PTPN23: variants seen among roughly 807,000 people sequenced by gnomAD.
The protein encoded by PTPN23 is protein tyrosine phosphatase non-receptor type 23.
Under a neutral mutation model 156.3 loss-of-function variants are expected in PTPN23, and 72 were observed. That is an observed-to-expected ratio of 0.46 (90% CI 0.38 to 0.56). The LOEUF (loss-of-function observed/expected upper bound fraction) is 0.56. Ranked by LOEUF, PTPN23 falls within the 20% of genes least tolerant of loss-of-function variation. The pLI is 0.00. For missense variants in PTPN23, 1,974 were observed against 2,171.5 expected, an observed-to-expected ratio of 0.91 and a Z score of 1.81; for synonymous variants, 957 against 899.6, an observed-to-expected ratio of 1.06 and a Z score of -1.14.
At position 47,404,997 on chromosome 3, in the gene PTPN23, G is replaced by C; in HGVS notation, c.288-8G>C. ...GCCCTCGAGATAACTGGGGTGCCAT[G>C]TCTGCAGGACAGAGATCTTCTCAGG... On this transcript the variant is annotated splice_polypyrimidine_tract_variant and splice_region_variant and intron_variant, in intron 3 of 24. Transcript: ENST00000265562. The C allele has an allele frequency of 6.2e-7, 1 of 1,614,190 alleles. No individual in the cohort carries two copies. The highest frequency in any genetic ancestry group is 8.5e-7 in the Non-Finnish European group (1 of 1,180,020).
intron 14 of PTPN23, 150 bp downstream of exon 14, chr3:47,408,105 AGT>A: frequency 9.6e-7 from 1 of 1,043,202 alleles, no homozygotes; most frequent in South Asian, 1.5e-5. Context: ...TGGTGGGGCT[AGT>A]GTGTAAGGCA....
At chr3:47,404,147 G>C (rs188220311) in intron 2 of PTPN23, among the ~76,000 whole-genome samples, 2 of 152,350 alleles carry the variant, frequency 1.3e-5, no homozygotes, top group Admixed American at 1.3e-4. Context: ...TCAGATGTTT[G>C]AGATGGGCTG....
In PTPN23 at chr3:47,404,731, G is replaced by A; in HGVS notation, c.239G>A (p.Ser80Asn). The part of the protein sequence containing the change: ...KYLGQLHYLQ[S>N]RVPMGSGQEA... The stretch of plus-strand genomic sequence containing the variant: ...CTCGGCCAGCTTCATTACCTGCAGA[G>A]TCGGGTCCCCATGGGCTCGGGCCAG... The change falls in exon 3 of 25, where the codon AGT (serine) becomes AAT (asparagine). Residue 80 changes from serine to asparagine, a missense_variant. Around this residue, in one of 4 missense-constraint regions of PTPN23, gnomAD observed 726 missense variants for 929.5 expected, o/e 0.78. Coordinates refer to ENST00000265562, the MANE Select transcript of PTPN23 (RefSeq NM_015466.4). The A allele has an allele frequency of 1.9e-6, 3 of 1,613,966 alleles. No individual in the cohort carries two copies. The highest frequency in any genetic ancestry group is 2.5e-6 in the Non-Finnish European group (3 of 1,180,042).
Position 47,407,066 on chromosome 3 carries a change from A to C in PTPN23, c.808-64A>C. On this transcript the variant is annotated intron_variant, in intron 9 of 24. Coordinates refer to ENST00000265562, the MANE Select transcript of PTPN23 (RefSeq NM_015466.4). The surrounding 1 kb of genome is among the most constrained non-coding windows in gnomAD (Gnocchi z 4.0). ...TGATGGACAGGCAGGGCCGGGTGGG[A>C]GGCAGGAGGAGAAAGGGTCCAAGCA... The C allele has an allele frequency of 1.2e-6, 2 of 1,600,982 alleles. No individual in the cohort carries two copies. Among genetic ancestry groups the C allele is most frequent in the Non-Finnish European group, 1.7e-6 (2 of 1,169,802 alleles).
intron 1 of PTPN23, among the ~76,000 whole-genome samples, chr3:47,389,339 G>T (rs1294373570): frequency 6.6e-6 from 1 of 152,190 alleles, no homozygotes; most frequent in Non-Finnish European, 1.5e-5. Context: ...GGCTGGGCAT[G>T]GTGACTCATG....
In PTPN23 at chr3:47,412,356, A is replaced by G. The variant is rs148239718; in HGVS notation, c.4252A>G (p.Ile1418Val). 4.3e-6 allele frequency: 7 copies of G among 1,613,142 alleles called. No individual in the cohort carries two copies. In the African/African-American group the frequency reaches 9.3e-5, roughly 22 times the overall value. ...AVQEVEAGNGIPELPQLVRRM... is the reference protein window; with the variant it reads ...AVQEVEAGNGVPELPQLVRRM... The stretch of plus-strand genomic sequence containing the variant: ...GCAGGAGGTGGAGGCTGGGAACGGA[A>G]TCCCTGAGCTGCCTCAGCTGGTGCG... Residue 1418 changes from isoleucine (I) to valine (V), a missense_variant, in exon 23 of 25, where the codon ATC becomes GTC. This residue lies in a region of PTPN23 where 484 missense variants were observed against 516.0 expected (regional missense o/e 0.94). Coordinates refer to ENST00000265562, the MANE Select transcript of PTPN23 (RefSeq NM_015466.4).
In PTPN23 at chr3:47,411,378, GTC is replaced by G. The variant is rs1705285281; in HGVS notation, c.3582_3583del (p.Trp1195AlafsTer10). On this transcript the variant is annotated frameshift_variant, in exon 20 of 25. Coordinates refer to ENST00000265562, the MANE Select transcript of PTPN23 (RefSeq NM_015466.4). LOFTEE classifies it high-confidence loss of function. This position sits in a 1 kb window ranked among gnomAD's most constrained non-coding sequence, Gnocchi z 6.3. ...GGGGGATGTGGGAGCTCTGGACACT[GTC>G]TGGCGAGAGCTGCAAGATGCGCAGG... Reference protein sequence around the residue: ...QLGDVGALDTVWRELQDAQEH... With the variant: ...QLGDVGALDTXWRELQDAQEH... 6.2e-7 allele frequency: 1 copy of G among 1,613,006 alleles called. No individual in the cohort carries two copies. Among genetic ancestry groups the G allele is most frequent in the Non-Finnish European group, 8.5e-7 (1 of 1,180,018 alleles).
At chr3:47,390,257 C>T (rs1704745223) in intron 1 of PTPN23, among the ~76,000 whole-genome samples, 1 of 152,092 alleles carries the variant, frequency 6.6e-6, no homozygotes. Context: ...AAAAACCAAG[C>T]CCAGATTTCA....
chr3:47,403,192 A>G (rs1225074611), intron 2 of PTPN23, among the ~76,000 whole-genome samples: 1 of 151,080 alleles, frequency 6.6e-6, no homozygotes, highest in Non-Finnish European at 1.5e-5. Context: ...AGCTGGGTCT[A>G]CAGGTGCCTG....
At chr3:47,392,207 A>T (rs907779488) in intron 1 of PTPN23, among the ~76,000 whole-genome samples, 1 of 151,932 alleles carries the variant, frequency 6.6e-6, no homozygotes, top group Admixed American at 6.6e-5. Context: ...TTTAATACAG[A>T]CAGGGTCTCA....
intron 1 of PTPN23, among the ~76,000 whole-genome samples, chr3:47,394,530 G>C (rs1704840664): frequency 6.6e-6 from 1 of 152,074 alleles, no homozygotes; most frequent in Non-Finnish European, 1.5e-5. Context: ...TGTAGAGACG[G>C]GTCTTGCTCT....
intron 18 of PTPN23, 26 bp downstream of exon 18, chr3:47,409,594 C>T (rs1705215010): frequency 6.2e-7 from 1 of 1,612,384 alleles, no homozygotes; most frequent in Non-Finnish European, 8.5e-7. Context: ...TCTGCTCTTT[C>T]CCGGAGCCAC....
chr3:47,407,623 G>A lies in PTPN23; in HGVS notation c.1003+39G>A, dbSNP rs746492041. 16 of 1,605,682 alleles carry A rather than the reference G, an allele frequency of 1.0e-5. No homozygotes were observed. The highest frequency in any genetic ancestry group is 1.7e-4 in the Middle Eastern group (1 of 6,060). On this transcript the variant is annotated intron_variant, in intron 12 of 24. Coordinates refer to ENST00000265562, the MANE Select transcript of PTPN23 (RefSeq NM_015466.4). This position sits in a 1 kb window ranked among gnomAD's most constrained non-coding sequence, Gnocchi z 4.0. ...GAGGTGGGGGCAGAGGTGACGGTGG[G>A]GTGGGGACAGGACACAGGAGGCTGC...
Position 47,410,522 on chromosome 3 carries a change from C to T in PTPN23, c.2724C>T (p.Pro908=). The change falls in exon 20 of 25, where the codon CCC becomes CCT. Residue 908 remains proline (P), a synonymous_variant. Transcript: ENST00000265562. The part of the protein sequence containing the change: ...RPNPTPAPPP[P]CFPVPPPQPL... The stretch of plus-strand genomic sequence containing the variant: ...ACCCCACCCCTGCTCCTCCCCCGCC[C>T]TGCTTCCCTGTGCCCCCACCGCAGC... 6.2e-7 allele frequency: 1 copy of T among 1,610,516 alleles called. No individual in the cohort carries two copies. The highest frequency in any genetic ancestry group is 8.5e-7 in the Non-Finnish European group (1 of 1,178,604).
At chr3:47,400,410 CTCTGCGCAGCTCG>C (rs1254576087) in intron 2 of PTPN23, among the ~76,000 whole-genome samples, 4 of 152,232 alleles carry the variant, frequency 2.6e-5, no homozygotes, top group Admixed American at 2.6e-4. Context: ...CTCTGTGCGG[CTCTGCGCAGCTCG>C]TCTGAGAGTC....
Position 47,406,532 on chromosome 3 carries a change from G to A in PTPN23, c.679G>A (p.Ala227Thr). 1 of 1,613,982 alleles carries A rather than the reference G, an allele frequency of 6.2e-7. No homozygotes were observed. The highest frequency in any genetic ancestry group is 8.5e-7 in the Non-Finnish European group (1 of 1,180,006). The change falls in exon 8 of 25, where the codon GCC (alanine) becomes ACC (threonine). Residue 227 changes from alanine (A) to threonine (T), a missense_variant. By Grantham distance (58) the Ala-to-Thr change is moderately conservative. This residue lies in a region of PTPN23 where 726 missense variants were observed against 929.5 expected (regional missense o/e 0.78). Coordinates refer to ENST00000265562, the MANE Select transcript of PTPN23 (RefSeq NM_015466.4). This position sits in a 1 kb window ranked among gnomAD's most constrained non-coding sequence, Gnocchi z 5.8. ...CCGGGCCTTGGAGAACCCCGACACT[G>A]CCTCACTGCTGGGCCGGATCCAGAA... ...ACRALENPDT[A>T]SLLGRIQKDW... is the part of the protein sequence containing the mutation.
At position 47,404,696 on chromosome 3, in the gene PTPN23, C is replaced by T. The variant is rs199922267; in HGVS notation, c.204C>T (p.Leu68=). The T allele has an allele frequency of 7.4e-6, 12 of 1,614,032 alleles. No homozygotes were observed. In the East Asian group the frequency reaches 2.7e-4, roughly 36 times the overall value. ...GAGACTTTGAGGGCTGTAGTGTCCT[C>T]CGCAAGTACCTCGGCCAGCTTCATT... The part of the protein sequence containing the change: ...VPRDFEGCSV[L]RKYLGQLHYL... The change falls in exon 3 of 25, where the codon CTC becomes CTT. Residue 68 remains leucine (L), a synonymous_variant. Coordinates refer to ENST00000265562, the MANE Select transcript of PTPN23 (RefSeq NM_015466.4).
At position 47,407,227 on chromosome 3, in the gene PTPN23, G is replaced by C; in HGVS notation, c.864+41G>C. The C allele has an allele frequency of 6.2e-7, 1 of 1,613,876 alleles. No individual in the cohort carries two copies. Among genetic ancestry groups the C allele is most frequent in the Non-Finnish European group, 8.5e-7 (1 of 1,179,814 alleles). On this transcript the variant is annotated intron_variant, in intron 10 of 24. Coordinates refer to ENST00000265562, the MANE Select transcript of PTPN23 (RefSeq NM_015466.4). The surrounding 1 kb of genome is among the most constrained non-coding windows in gnomAD (Gnocchi z 4.0). ...GCCTGGCTGCCCTGAGGGTATAGGA[G>C]CAAGCCCGGTAGGACTGAGGGGGTG...
At position 47,410,883 on chromosome 3, in the gene PTPN23, G is replaced by A. The variant is rs1365525679; in HGVS notation, c.3085G>A (p.Ala1029Thr). 2 of 1,605,718 alleles carry A rather than the reference G, an allele frequency of 1.2e-6. No individual in the cohort carries two copies. The highest frequency in any genetic ancestry group is 1.7e-6 in the Non-Finnish European group (2 of 1,177,774). The change falls in exon 20 of 25, where the codon GCC (alanine) becomes ACC (threonine). Residue 1029 changes from alanine (A) to threonine (T), a missense_variant. Ala to Thr is a moderately conservative substitution (Grantham distance 58). Around this residue, in one of 4 missense-constraint regions of PTPN23, gnomAD observed 731 missense variants for 669.1 expected, o/e 1.09. Coordinates refer to ENST00000265562, the MANE Select transcript of PTPN23 (RefSeq NM_015466.4). Reference protein sequence around the residue: ...YPGPAQDPLPAHSGALPFPSP... With the variant: ...YPGPAQDPLPTHSGALPFPSP... ...AGGTCCCGCTCAAGACCCTCTGCCA[G>A]CCCACTCAGGGGCTCTGCCTTTCCC...
Sources: gnomAD v4.1 joint callset for allele counts (sites outside exome capture counted in the v4.1 genomes callset) on GRCh38, gnomAD v4.1.1 for gene constraint, gnomAD v4.1.1 regional missense constraint, Gnocchi (gnomAD v3.1) non-coding constraint, MANE v1.5 for transcripts, NCBI Gene and HGNC (gene_info 2026-07-23, HGNC 2026-07-21) for gene names.